The following ST7L variants were observed in gnomAD, a reference collection of about 807,000 sequenced individuals.
ST7L encodes suppressor of tumorigenicity 7 protein-like.
In ST7L, 57 loss-of-function variants were observed where a neutral mutation model predicts 72.5. That is an observed-to-expected ratio of 0.79 (90% CI 0.64 to 0.98). The LOEUF (loss-of-function observed/expected upper bound fraction) is 0.98, where lower values mean the gene tolerates loss of function less well. Among genes scored for constraint, ST7L ranks in the 50% least tolerant of loss-of-function variants. ST7L has a pLI of 0.00. For synonymous variants in ST7L, 221 were observed against 240.9 expected, an observed-to-expected ratio of 0.92 and a Z score of 0.77; for missense variants, 576 against 672.2, an observed-to-expected ratio of 0.86 and a Z score of 1.58.
chr1:112,595,791 G>C lies in ST7L; in HGVS notation c.622+2180C>G, dbSNP rs140662919. ...TTTCATAACATAGATTGAAATATAGGGTATACTATTATTTTTAAATGTCTG... is the reference window on the plus strand; with the variant it reads ...TTTCATAACATAGATTGAAATATAGCGTATACTATTATTTTTAAATGTCTG... On this transcript the variant is annotated intron_variant, in intron 5 of 14. Transcript: ENST00000358039. Among the ~76,000 whole-genome samples, 796 of 151,956 alleles carry C rather than the reference G, an allele frequency of 5.2e-3. 3 individuals carry two copies. The highest frequency in any genetic ancestry group is 0.018 in the African/African-American group (759 of 41,426).
At chr1:112,552,483 C>A (rs1658384431) in intron 12 of ST7L, among the ~76,000 whole-genome samples, 1 of 152,182 alleles carries the variant, frequency 6.6e-6, no homozygotes, top group African/African-American at 2.4e-5. Context: ...CGGCTCACCA[C>A]AATCTCCGCC....
At chr1:112,583,875 C>A in intron 7 of ST7L, 97 bp downstream of exon 7, 2 of 1,377,190 alleles carry the variant, frequency 1.5e-6, no homozygotes, top group East Asian at 2.3e-5. Flanking sequence ...ATTAACTAAC[C>A]TGTAAGTATT....
At chr1:112,616,491 C>T (rs1488344239) in intron 2 of ST7L, among the ~76,000 whole-genome samples, 2 of 152,064 alleles carry the variant, frequency 1.3e-5, no homozygotes, top group African/African-American at 4.8e-5. Context: ...GCCTGTAATC[C>T]CAGCACTTTG....
intron 10 of ST7L, 35 bp downstream of exon 10, chr1:112,578,310 T>C (rs747199194): frequency 5.1e-6 from 8 of 1,572,866 alleles, no homozygotes; most frequent in Non-Finnish European, 7.0e-6. Context: ...AGTTTAGCAG[T>C]CTTTCCAAAT....
intron 14 of ST7L, chr1:112,539,296 G>A (rs1477512014): frequency 2.0e-5 from 3 of 152,220 alleles, no homozygotes; most frequent in African/African-American, 7.2e-5. Context: ...GTGAAGAAGT[G>A]TAATTTAAGC....
At chr1:112,576,098 T>A (rs1228932486) in intron 11 of ST7L, among the ~76,000 whole-genome samples, 1 of 149,844 alleles carries the variant, frequency 6.7e-6, no homozygotes, top group Non-Finnish European at 1.5e-5. Context: ...AGAACCCCAA[T>A]TTTTTTTTTG....
rs145839454 is a variant in ST7L, at chr1:112,619,105, G to A, written c.9C>T (p.Asp3=). The A allele has an allele frequency of 1.2e-6, 2 of 1,613,462 alleles. No individual in the cohort carries two copies. The highest frequency in any genetic ancestry group is 8.5e-7 in the Non-Finnish European group (1 of 1,179,882). The part of the protein sequence containing the change: MA[D]RGGVGEAAAV... ...CTGCGGCTTCACCCACGCCGCCACG[G>A]TCCGCCATCTTGCCGCTATCGCAGG... The change falls in exon 1 of 15, where the codon GAC becomes GAT. Residue 3 remains aspartate (D), a synonymous_variant. Coordinates refer to ENST00000358039, the MANE Select transcript of ST7L (RefSeq NM_017744.5).
chr1:112,606,593 G>A (rs1367790935), intron 3 of ST7L, among the ~76,000 whole-genome samples: 1 of 152,140 alleles, frequency 6.6e-6, no homozygotes, highest in African/African-American at 2.4e-5. Context: ...ACATATTTAG[G>A]TGTTTGTTAC....
intron 14 of ST7L, 69 bp downstream of exon 14, chr1:112,541,881 CA>C: frequency 6.3e-7 from 1 of 1,580,076 alleles, no homozygotes; most frequent in African/African-American, 1.4e-5. Flanking sequence ...TGGGTTAGCA[CA>C]GGCAGATCAG....
chr1:112,591,511 T>C lies in ST7L; in HGVS notation c.701+14A>G, dbSNP rs769874207. 3.1e-6 allele frequency: 5 copies of C among 1,597,060 alleles called. No individual in the cohort carries two copies. The highest frequency in any genetic ancestry group is 2.2e-4 in the Middle Eastern group (1 of 4,456). On this transcript the variant is annotated intron_variant, in intron 6 of 14. Coordinates refer to ENST00000358039, the MANE Select transcript of ST7L (RefSeq NM_017744.5). Reference sequence around the variant, plus strand: ...CTTCAAAATAAATTTATTTTCCATATATTTCAAACTTACTCATTGTTTAAT... The same window carrying C: ...CTTCAAAATAAATTTATTTTCCATACATTTCAAACTTACTCATTGTTTAAT...
chr1:112,556,287 G>A (rs1447115420), intron 11 of ST7L, among the ~76,000 whole-genome samples: 1 of 152,106 alleles, frequency 6.6e-6, no homozygotes, highest in Non-Finnish European at 1.5e-5. Context: ...ATGGAAACTC[G>A]AGCTGAGAAG....
intron 11 of ST7L, among the ~76,000 whole-genome samples, chr1:112,568,861 A>AATATATATATATAT (rs377429784): frequency 9.6e-5 from 11 of 114,878 alleles, no homozygotes; most frequent in Admixed American, 2.2e-4. Flanking sequence ...TATAAATATA[A>AATATATATATATAT]ATATATATAT....
chr1:112,618,228 C>T (rs1570681819), intron 1 of ST7L: 1 of 1,131,594 alleles, frequency 8.8e-7, no homozygotes. Context: ...GAGAATCCAT[C>T]AGGATCATCA....
In ST7L at chr1:112,576,985, C is replaced by T; in HGVS notation, c.1245+1G>A. 1.3e-6 allele frequency: 2 copies of T among 1,594,376 alleles called. No homozygotes were observed. Among genetic ancestry groups the T allele is most frequent in the Non-Finnish European group, 8.6e-7 (1 of 1,168,488 alleles). Reference sequence around the variant, plus strand: ...AGTATTTTTATCATAAAATTTCTCACTTTTGGAACATGAGGATTAAATTCC... The same window carrying T: ...AGTATTTTTATCATAAAATTTCTCATTTTTGGAACATGAGGATTAAATTCC... On this transcript the variant is annotated splice_donor_variant, in intron 11 of 14. Coordinates refer to ENST00000358039, the MANE Select transcript of ST7L (RefSeq NM_017744.5). LOFTEE classifies it high-confidence loss of function.
chr1:112,563,231 T>C (rs1365342022), intron 11 of ST7L, among the ~76,000 whole-genome samples: 1 of 152,058 alleles, frequency 6.6e-6, no homozygotes, highest in African/African-American at 2.4e-5. Flanking sequence ...GAGTTGGCAA[T>C]TTGGAAATGG....
At chr1:112,559,174 G>C (rs538751671) in intron 11 of ST7L, among the ~76,000 whole-genome samples, 79 of 152,256 alleles carry the variant, frequency 5.2e-4, no homozygotes, top group African/African-American at 1.8e-3. Context: ...TGTAAGCAAA[G>C]ATATTCAGTT....
intron 11 of ST7L, among the ~76,000 whole-genome samples, chr1:112,560,931 C>T (rs751519857): frequency 6.6e-6 from 1 of 150,540 alleles, no homozygotes; most frequent in Non-Finnish European, 1.5e-5. Context: ...CCATTGCACT[C>T]CAGCCTGGGC....
chr1:112,610,578 C>T (rs1241857264), intron 3 of ST7L: 5 of 367,796 alleles, frequency 1.4e-5, no homozygotes, highest in Non-Finnish European at 2.4e-5. Context: ...GGCGCCTTCT[C>T]GTGGTGTCCT....
intron 12 of ST7L, among the ~76,000 whole-genome samples, chr1:112,552,399 C>CTTTA (rs925436980): frequency 6.6e-5 from 10 of 151,994 alleles, no homozygotes; most frequent in Admixed American, 4.6e-4. Context: ...GCAATTTAGA[C>CTTTA]TTTATTTATT....
Sources: gnomAD v4.1 joint callset for allele counts (sites outside exome capture counted in the v4.1 genomes callset) on GRCh38, gnomAD v4.1.1 for gene constraint, MANE v1.5 for transcripts, NCBI Gene and HGNC (gene_info 2026-07-23, HGNC 2026-07-21) for gene names.